SLIT3: variants seen among roughly 807,000 people sequenced by gnomAD.
The protein encoded by SLIT3 is slit homolog 3 protein.
SLIT3 carries 68 observed loss-of-function variants against 184.0 expected under a neutral mutation model. The observed-to-expected ratio is 0.37, with a 90% CI of 0.30 to 0.45. SLIT3 has a LOEUF of 0.45. Ranked by LOEUF, SLIT3 falls within the 20% of genes least tolerant of loss-of-function variation. SLIT3 has a pLI of 1.00. For synonymous variants in SLIT3, 831 were observed against 828.6 expected (o/e 1.00, Z -0.05); for missense variants, 1,707 against 2,026.0 (o/e 0.84, Z 3.02).
chr5:168,696,751 T>C (rs1582541215), intron 27 of SLIT3, among the ~76,000 whole-genome samples: 2 of 152,272 alleles, frequency 1.3e-5, no homozygotes, highest in African/African-American at 4.8e-5. Context: ...GTTTCCTGGA[T>C]ATGGCTTAAA....
intron 1 of SLIT3, among the ~76,000 whole-genome samples, chr5:169,284,733 C>T (rs1425506738): frequency 6.6e-6 from 1 of 152,126 alleles, no homozygotes; most frequent in African/African-American, 2.4e-5. Context: ...CAGGTGCTTG[C>T]CACAATGCTA....
chr5:169,251,300 G>A, intron 2 of SLIT3, 88 bp downstream of exon 2: 2 of 876,968 alleles, frequency 2.3e-6, no homozygotes, highest in South Asian at 2.7e-5. Context: ...CAGGGCTTGG[G>A]AGTGTGATGT....
chr5:168,976,959 C>A (rs1754785777), intron 4 of SLIT3, among the ~76,000 whole-genome samples: 1 of 151,526 alleles, frequency 6.6e-6, no homozygotes, highest in Non-Finnish European at 1.5e-5. Context: ...GGTAATTACA[C>A]AGAGCTGGGG....
At chr5:169,062,804 C>T (rs1458243019) in intron 4 of SLIT3, among the ~76,000 whole-genome samples, 2 of 152,140 alleles carry the variant, frequency 1.3e-5, no homozygotes, top group African/African-American at 2.4e-5. Context: ...ACCATCATTT[C>T]CCCCTTCATG....
intron 4 of SLIT3, among the ~76,000 whole-genome samples, chr5:168,899,875 C>T (rs770266297): frequency 1.3e-4 from 20 of 152,160 alleles, no homozygotes; most frequent in African/African-American, 4.1e-4. Flanking sequence ...AGGCTCTGGC[C>T]TATGAGGCTG....
At chr5:168,776,339 G>T (rs980046966) in intron 12 of SLIT3, among the ~76,000 whole-genome samples, 5 of 152,194 alleles carry the variant, frequency 3.3e-5, no homozygotes, top group African/African-American at 7.2e-5. Flanking sequence ...AATGGGCAAG[G>T]TCCCAAGGGT....
rs765734687 is a variant in SLIT3, at chr5:168,671,288, AC to A, written c.4036del (p.Val1346TrpfsTer108). The part of the protein sequence containing the change: ...TVCKHGLCRS[V>X]EKDSVVCECR... ...CTCGCACACCACGCTGTCCTTCTCC[AC>A]GGAGCGGCACAGGCCGTGCTTGCAC... On this transcript the variant is annotated frameshift_variant, in exon 34 of 36. Coordinates refer to ENST00000519560, the MANE Select transcript of SLIT3 (RefSeq NM_003062.4). LOFTEE classifies it high-confidence loss of function. 1 of 1,613,850 alleles carries A rather than the reference AC, an allele frequency of 6.2e-7. No homozygotes were observed. Among genetic ancestry groups the A allele is most frequent in the Non-Finnish European group, 8.5e-7 (1 of 1,179,978 alleles).
At chr5:168,841,273 G>A (rs73805246) in intron 6 of SLIT3, among the ~76,000 whole-genome samples, 8,395 of 152,284 alleles carry the variant, frequency 0.055, 780 homozygotes, top group African/African-American at 0.19. Context: ...TAAAAGCAGG[G>A]TGAGGGTAAC....
intron 4 of SLIT3, among the ~76,000 whole-genome samples, chr5:169,049,361 T>C (rs897171725): frequency 2.0e-5 from 3 of 152,082 alleles, no homozygotes; most frequent in Non-Finnish European, 4.4e-5. Flanking sequence ...GGTGCTAAGG[T>C]AACCAGAGGA....
At chr5:168,988,900 C>A (rs760555305) in intron 4 of SLIT3, among the ~76,000 whole-genome samples, 9 of 152,208 alleles carry the variant, frequency 5.9e-5, no homozygotes, top group Admixed American at 5.9e-4. Context: ...CCATCTCAGC[C>A]AGGCCAGCAT....
intron 4 of SLIT3, among the ~76,000 whole-genome samples, chr5:169,043,339 A>C (rs1014171395): frequency 3.3e-5 from 5 of 152,220 alleles, no homozygotes; most frequent in African/African-American, 1.2e-4. Flanking sequence ...TTTGCTAGAA[A>C]AGTTTGAATT....
chr5:169,006,603 T>A (rs145098561), intron 4 of SLIT3, among the ~76,000 whole-genome samples: 5,077 of 148,178 alleles, frequency 0.034, 110 homozygotes, highest in Middle Eastern at 0.066. Context: ...TCTCTCTCTC[T>A]CTCACACACA....
intron 4 of SLIT3, among the ~76,000 whole-genome samples, chr5:169,127,831 TTCTGTAGAGC>T (rs1264461903): frequency 1.3e-5 from 2 of 152,196 alleles, no homozygotes; most frequent in African/African-American, 4.8e-5. Context: ...ATTACTTGGC[TTCTGTAGAGC>T]TCTAACAAGA....
chr5:169,288,957 A>C (rs1212250462), intron 1 of SLIT3, among the ~76,000 whole-genome samples: 2 of 152,248 alleles, frequency 1.3e-5, no homozygotes, highest in African/African-American at 4.8e-5. Flanking sequence ...TTCCAGATAC[A>C]GGATTTAGTG....
chr5:169,078,496 G>C (rs567712213), intron 4 of SLIT3, among the ~76,000 whole-genome samples: 1 of 152,198 alleles, frequency 6.6e-6, no homozygotes, highest in South Asian at 2.1e-4. Flanking sequence ...CAGACCCGGT[G>C]GGGAATAAAA....
intron 1 of SLIT3, among the ~76,000 whole-genome samples, chr5:169,261,131 G>T (rs1766158591): frequency 6.6e-6 from 1 of 152,202 alleles, no homozygotes; most frequent in African/African-American, 2.4e-5. Context: ...TCTCTACTAT[G>T]CCAGAGGCAT....
chr5:168,679,671 C>G (rs1761522126), intron 32 of SLIT3, among the ~76,000 whole-genome samples: 1 of 152,070 alleles, frequency 6.6e-6, no homozygotes, highest in African/African-American at 2.4e-5. Flanking sequence ...ACAAAAAGTT[C>G]CTGGGATTTC....
chr5:168,725,271 C>T (rs1763072065), intron 20 of SLIT3, among the ~76,000 whole-genome samples: 1 of 152,142 alleles, frequency 6.6e-6, no homozygotes, highest in Non-Finnish European at 1.5e-5. Context: ...AGGCCGCCTC[C>T]TTAGAGACTC....
At chr5:168,670,049 C>T in intron 34 of SLIT3, 58 bp from the exon 35 acceptor site, 1 of 1,472,108 alleles carries the variant, frequency 6.8e-7, no homozygotes, top group South Asian at 1.2e-5. Flanking sequence ...CTGCTGGGGA[C>T]TCCCTCTGTC....
Sources: allele counts gnomAD v4.1 joint callset (sites outside exome capture counted in the v4.1 genomes callset), GRCh38; gene constraint gnomAD v4.1.1; transcripts MANE v1.5; gene names NCBI Gene and HGNC (gene_info 2026-07-23, HGNC 2026-07-21).